CDH13: variants seen among roughly 807,000 people sequenced by gnomAD.
CDH13 encodes cadherin 13.
Under a neutral mutation model 63.8 loss-of-function variants are expected in CDH13, and 24 were observed. The ratio of observed to expected loss-of-function variants is 0.38; its 90% CI spans 0.27 to 0.53. CDH13 has a LOEUF of 0.53. Among genes scored for constraint, CDH13 ranks in the 20% least tolerant of loss-of-function variants. CDH13 has a pLI of 0.85. For synonymous variants in CDH13, 503 were observed against 355.3 expected (o/e 1.42, Z -4.67); for missense variants, 1,049 against 903.1 (o/e 1.16, Z -2.07).
intron 1 of CDH13, among the ~76,000 whole-genome samples, chr16:82,737,929 C>G (rs192857835): frequency 3.9e-5 from 6 of 152,186 alleles, no homozygotes; most frequent in Non-Finnish European, 7.4e-5. Context: ...CACCTCCAAA[C>G]GTTTCCTTAT....
chr16:83,337,882 T>C (rs2090633463), intron 5 of CDH13, among the ~76,000 whole-genome samples: 1 of 151,944 alleles, frequency 6.6e-6, no homozygotes, highest in Admixed American at 6.6e-5. Flanking sequence ...AAAGTAGCAA[T>C]CAATGTAAAG....
In CDH13 at chr16:83,624,338, G is replaced by GCCC. The variant is rs202230797; in HGVS notation, c.1101+21747_1101+21749dup. Among the ~76,000 whole-genome samples the GCCC allele has an allele frequency of 3.1e-3, 446 of 144,830 alleles. 7 individuals are homozygous for GCCC. Among genetic ancestry groups the GCCC allele is most frequent in the African/African-American group, 8.2e-3 (320 of 39,226 alleles). ...GATTCCCAGGAAATGATGAGATAAC[G>GCCC]CCCCCACCCCTGCCCCAGGTCAGCA... On this transcript the variant is annotated intron_variant, in intron 8 of 13. Coordinates refer to ENST00000567109, the MANE Select transcript of CDH13 (RefSeq NM_001257.5).
chr16:82,868,409 C>G (rs1203283970), intron 2 of CDH13, among the ~76,000 whole-genome samples: 3 of 152,096 alleles, frequency 2.0e-5, no homozygotes, highest in South Asian at 2.1e-4. Flanking sequence ...ATGCATTATC[C>G]TACCTAACAA....
At chr16:82,691,397 A>C (rs553592083) in intron 1 of CDH13, among the ~76,000 whole-genome samples, 4 of 152,242 alleles carry the variant, frequency 2.6e-5, no homozygotes, top group African/African-American at 9.6e-5. Context: ...ACCCAGGAAA[A>C]ATCTTCAAGC....
At chr16:83,256,976 G>A (rs1906374300) in intron 5 of CDH13, among the ~76,000 whole-genome samples, 1 of 151,972 alleles carries the variant, frequency 6.6e-6, no homozygotes, top group Admixed American at 6.6e-5. Flanking sequence ...CATGCTGTGT[G>A]TTGTGAGGAG....
At chr16:83,455,455 G>T (rs2072996812) in intron 6 of CDH13, among the ~76,000 whole-genome samples, 1 of 152,092 alleles carries the variant, frequency 6.6e-6, no homozygotes, top group South Asian at 2.1e-4. Context: ...TTTAGAAGTG[G>T]CTTTCTCCAA....
At chr16:83,210,258 T>G (rs2151777439) in intron 4 of CDH13, among the ~76,000 whole-genome samples, 1 of 151,916 alleles carries the variant, frequency 6.6e-6, no homozygotes, top group African/African-American at 2.4e-5. Context: ...AGAGACGGGG[T>G]CTCACCATGT....
intron 6 of CDH13, among the ~76,000 whole-genome samples, chr16:83,409,201 C>T (rs889718): frequency 0.15 from 23,133 of 151,650 alleles, 2,613 homozygotes; most frequent in East Asian, 0.54. Context: ...CACCAGGAAA[C>T]AATAAAAAAT....
intron 11 of CDH13, among the ~76,000 whole-genome samples, chr16:83,775,682 C>T (rs771956054): frequency 6.6e-5 from 10 of 151,362 alleles, no homozygotes; most frequent in Admixed American, 5.3e-4. Flanking sequence ...CCACACTGCA[C>T]TGCAGCCTGG....
chr16:83,137,734 C>T (rs1422720562), intron 4 of CDH13, among the ~76,000 whole-genome samples: 1 of 152,162 alleles, frequency 6.6e-6, no homozygotes, highest in Non-Finnish European at 1.5e-5. Context: ...AGGAGTGGGG[C>T]CCAGGGCGCA....
chr16:83,421,434 C>G (rs1162705794), intron 6 of CDH13, among the ~76,000 whole-genome samples: 1 of 152,284 alleles, frequency 6.6e-6, no homozygotes, highest in Middle Eastern at 3.4e-3. Context: ...CTACATCTTT[C>G]CAATTAATTA....
At chr16:83,611,379 A>T (rs947276067) in intron 8 of CDH13, among the ~76,000 whole-genome samples, 1 of 151,452 alleles carries the variant, frequency 6.6e-6, no homozygotes, top group Non-Finnish European at 1.5e-5. Flanking sequence ...GTATATTTCA[A>T]TTTGCCAATT....
At chr16:83,003,804 G>T (rs1913191892) in intron 2 of CDH13, among the ~76,000 whole-genome samples, 1 of 152,206 alleles carries the variant, frequency 6.6e-6, no homozygotes, top group Non-Finnish European at 1.5e-5. Context: ...ACAGAAATGT[G>T]AACAGGGCTT....
chr16:83,382,028 AG>A (rs2091577184), intron 6 of CDH13, among the ~76,000 whole-genome samples: 1 of 152,220 alleles, frequency 6.6e-6, no homozygotes. Context: ...CTAACGGCTT[AG>A]AGCATGGGTC....
chr16:82,962,064 G>A (rs1907101643), intron 2 of CDH13, among the ~76,000 whole-genome samples: 2 of 152,210 alleles, frequency 1.3e-5, no homozygotes, highest in African/African-American at 4.8e-5. Context: ...AGACACCCAT[G>A]TCAAATCCCA....
intron 4 of CDH13, among the ~76,000 whole-genome samples, chr16:83,136,440 C>A (rs1312804735): frequency 1.3e-5 from 2 of 148,914 alleles, no homozygotes; most frequent in African/African-American, 5.0e-5. Flanking sequence ...GAGCCGAGAT[C>A]GCTCCACTGC....
chr16:83,457,870 C>G (rs1158248517), intron 6 of CDH13, among the ~76,000 whole-genome samples: 2 of 152,174 alleles, frequency 1.3e-5, no homozygotes, highest in Non-Finnish European at 2.9e-5. Context: ...TCATGGCACC[C>G]TAAATTTGCA....
chr16:83,070,387 T>C (rs1025019745), intron 3 of CDH13, among the ~76,000 whole-genome samples: 1 of 152,146 alleles, frequency 6.6e-6, no homozygotes. Flanking sequence ...TAACAAAAAT[T>C]GGAACTTTCC....
chr16:83,767,772 A>G (rs1914494738), intron 11 of CDH13, among the ~76,000 whole-genome samples: 1 of 152,222 alleles, frequency 6.6e-6, no homozygotes, highest in Non-Finnish European at 1.5e-5. Flanking sequence ...ATATGACTCC[A>G]TTTATATTAA....
Sources: gnomAD v4.1 joint callset for allele counts (sites outside exome capture counted in the v4.1 genomes callset) on GRCh38, gnomAD v4.1.1 for gene constraint, MANE v1.5 for transcripts, NCBI Gene and HGNC (gene_info 2026-07-23, HGNC 2026-07-21) for gene names.